RIMS1: variants seen among roughly 807,000 people sequenced by gnomAD.
RIMS1 encodes regulating synaptic membrane exocytosis protein 1.
In RIMS1, 83 loss-of-function variants were observed where a neutral mutation model predicts 214.1. That is an observed-to-expected ratio of 0.39 (90% confidence interval 0.32 to 0.47). The LOEUF (loss-of-function observed/expected upper bound fraction) is 0.47. Among genes scored for constraint, RIMS1 ranks in the 20% least tolerant of loss-of-function variants. The probability of loss-of-function intolerance (pLI) is 0.99; values close to 1 mark genes in which losing one functional copy is unlikely to be tolerated. For synonymous variants in RIMS1, 793 were observed against 786.8 expected (o/e 1.01, Z -0.13); for missense variants, 2,050 against 2,161.8 (o/e 0.95, Z 1.03).
At chr6:72,006,226 G>C (rs560409548) in intron 2 of RIMS1, among the ~76,000 whole-genome samples, 1 of 152,126 alleles carries the variant, frequency 6.6e-6, no homozygotes, top group South Asian at 2.1e-4. Context: ...CATCCTATTG[G>C]GGATTAATAT....
At chr6:72,366,774 A>C (rs948180535) in intron 29 of RIMS1, 2 of 985,710 alleles carry the variant, frequency 2.0e-6, no homozygotes, top group Non-Finnish European at 2.4e-6. Context: ...GCCACCGCAC[A>C]AGTTATTTAA....
intron 4 of RIMS1, among the ~76,000 whole-genome samples, chr6:72,140,581 T>C (rs1041936502): frequency 6.6e-6 from 1 of 152,040 alleles, no homozygotes; most frequent in African/African-American, 2.4e-5. Context: ...CCCTTTATGA[T>C]AGTTATTTGT....
chr6:72,040,431 T>G (rs886133695), intron 2 of RIMS1, among the ~76,000 whole-genome samples: 47 of 152,048 alleles, frequency 3.1e-4, no homozygotes, highest in African/African-American at 1.1e-3. Context: ...TTCTAGCATT[T>G]AGGACAATAC....
chr6:71,908,703 A>T (rs530866614), intron 1 of RIMS1, among the ~76,000 whole-genome samples: 225 of 152,210 alleles, frequency 1.5e-3, no homozygotes, highest in African/African-American at 5.2e-3. Flanking sequence ...TAAATTTTGA[A>T]CACCCCCTGT....
intron 29 of RIMS1, among the ~76,000 whole-genome samples, chr6:72,375,330 A>C (rs2098342844): frequency 6.6e-6 from 1 of 152,176 alleles, no homozygotes; most frequent in Admixed American, 6.5e-5. Context: ...GTATTTACTA[A>C]TAACTCGTTC....
chr6:72,025,060 T>C (rs911772597), intron 2 of RIMS1, among the ~76,000 whole-genome samples: 9 of 151,830 alleles, frequency 5.9e-5, no homozygotes, highest in Non-Finnish European at 1.2e-4. Flanking sequence ...TCTGCCACCA[T>C]ACCCGGCTAA....
At chr6:72,008,811 C>G (rs185012698) in intron 2 of RIMS1, among the ~76,000 whole-genome samples, 1,758 of 152,206 alleles carry the variant, frequency 0.012, 37 homozygotes, top group African/African-American at 0.039. Flanking sequence ...CAGGAGCACC[C>G]AGATTCATAA....
chr6:72,243,217 C>T (rs908125686), intron 10 of RIMS1, among the ~76,000 whole-genome samples: 3 of 151,510 alleles, frequency 2.0e-5, no homozygotes, highest in African/African-American at 7.3e-5. Context: ...TTAATACAGC[C>T]ATTATTTCAA....
At chr6:72,218,328 TC>T (rs1431216312) in intron 6 of RIMS1, among the ~76,000 whole-genome samples, 3 of 152,062 alleles carry the variant, frequency 2.0e-5, no homozygotes, top group South Asian at 4.2e-4. Context: ...GCTCACTTGC[TC>T]CCCCTCAGGT....
chr6:71,975,880 G>A (rs1797010789), intron 2 of RIMS1, among the ~76,000 whole-genome samples: 1 of 152,002 alleles, frequency 6.6e-6, no homozygotes, highest in South Asian at 2.1e-4. Flanking sequence ...TAGACTCAGA[G>A]CTTGTATCTG....
intron 1 of RIMS1, among the ~76,000 whole-genome samples, chr6:71,902,485 T>C (rs998906560): frequency 3.9e-5 from 6 of 152,112 alleles, no homozygotes; most frequent in Middle Eastern, 3.2e-3. Context: ...AGCTGAATCA[T>C]TGTGAAACCT....
intron 2 of RIMS1, among the ~76,000 whole-genome samples, chr6:72,002,420 G>GA (rs368132088): frequency 3.6e-4 from 55 of 151,824 alleles, no homozygotes; most frequent in Admixed American, 1.4e-3. Context: ...TGGAAAAGGG[G>GA]AAAAAAAAGG....
chr6:72,312,576 C>T (rs1593012684), intron 27 of RIMS1, among the ~76,000 whole-genome samples: 2 of 151,952 alleles, frequency 1.3e-5, no homozygotes, highest in African/African-American at 4.8e-5. Flanking sequence ...AAATGAATAT[C>T]AGAGACAAAT....
intron 6 of RIMS1, among the ~76,000 whole-genome samples, chr6:72,199,483 T>C (rs950869379): frequency 3.0e-4 from 45 of 152,006 alleles, no homozygotes; most frequent in Non-Finnish European, 8.8e-5. Context: ...GAATAAACCC[T>C]TTTTTTCATT....
chr6:72,281,273 A>G (rs1391459947), intron 23 of RIMS1, among the ~76,000 whole-genome samples: 3 of 152,276 alleles, frequency 2.0e-5, no homozygotes, highest in Non-Finnish European at 4.4e-5. Context: ...AGAAGATTAT[A>G]TGAGATAATG....
chr6:72,313,810 C>T, intron 28 of RIMS1, 138 bp downstream of exon 28: 2 of 842,340 alleles, frequency 2.4e-6, no homozygotes, highest in Admixed American at 2.9e-5. Flanking sequence ...TGTAGTATTG[C>T]CAACAGAATG....
chr6:72,285,108 A>G (rs556726527), intron 24 of RIMS1, among the ~76,000 whole-genome samples: 216 of 152,290 alleles, frequency 1.4e-3, no homozygotes, highest in African/African-American at 5.0e-3. Flanking sequence ...AAATTCTGAG[A>G]GGTTAAATGA....
chr6:72,295,401 C>T (rs2093961065), intron 26 of RIMS1, among the ~76,000 whole-genome samples: 1 of 151,600 alleles, frequency 6.6e-6, no homozygotes, highest in Admixed American at 6.6e-5. Context: ...GAAAATGTTA[C>T]AGAATAGTTT....
intron 4 of RIMS1, among the ~76,000 whole-genome samples, chr6:72,112,289 C>G (rs1388019531): frequency 6.6e-6 from 1 of 151,942 alleles, no homozygotes; most frequent in Admixed American, 6.6e-5. Flanking sequence ...TGCATTGAAC[C>G]CCTAATTGGC....
Sources: gnomAD v4.1 joint callset for allele counts (sites outside exome capture counted in the v4.1 genomes callset) on GRCh38, gnomAD v4.1.1 for gene constraint, MANE v1.5 for transcripts, NCBI Gene and HGNC (gene_info 2026-07-23, HGNC 2026-07-21) for gene names.